The following PRKCQ variants were observed in gnomAD, a reference collection of about 807,000 sequenced individuals.
PRKCQ encodes protein kinase C theta type.
In PRKCQ, 41 loss-of-function variants were observed where a neutral mutation model predicts 91.2. The ratio of observed to expected loss-of-function variants is 0.45; its 90% confidence interval spans 0.35 to 0.58. The LOEUF (loss-of-function observed/expected upper bound fraction) is 0.58, where lower values mean the gene tolerates loss of function less well. Ranked by LOEUF, PRKCQ falls within the 20% of genes least tolerant of loss-of-function variation. The probability of loss-of-function intolerance (pLI) is 0.00; values close to 1 mark genes in which losing one functional copy is unlikely to be tolerated. For missense variants in PRKCQ, 673 were observed against 896.5 expected, an observed-to-expected ratio of 0.75 and a Z score of 3.18; for synonymous variants, 307 against 316.9, an observed-to-expected ratio of 0.97 and a Z score of 0.33.
chr10:6,397,709 G>A, the PRKCQ span, among the ~76,000 whole-genome samples: 1 of 152,164 alleles, frequency 6.6e-6, no homozygotes, highest in South Asian at 2.1e-4. Context: ...TGGATCACCT[G>A]AGGTCAGAGT....
Position 6,503,792 on chromosome 10 carries a change from T to C in PRKCQ, c.379+3644A>G, listed in dbSNP as rs562208874. 2.9e-4 allele frequency among the ~76,000 whole-genome samples: 44 copies of C among 152,322 alleles called. No homozygotes were observed. In the South Asian group the frequency reaches 5.8e-3, roughly 20 times the overall value. On this transcript the variant is annotated intron_variant, in intron 4 of 17. Coordinates refer to ENST00000263125, the MANE Select transcript of PRKCQ (RefSeq NM_006257.5). ...AAGGATTAATTATTATTATTATTATTTGGAGACAGGGTCTTGTTCTGTTGC... is the reference window on the plus strand; with the variant it reads ...AAGGATTAATTATTATTATTATTATCTGGAGACAGGGTCTTGTTCTGTTGC...
chr10:6,442,013 C>T lies in PRKCQ; in HGVS notation c.1716G>A (p.Met572Ile). ...WWSFGVLLYEMLIGQSPFHGQ... is the reference protein window; with the variant it reads ...WWSFGVLLYEILIGQSPFHGQ... ...CGTGGAAAGGCGACTGACCAATCAGCATTTCATAAAGGAGAACCCCGAAGG... is the reference window on the plus strand; with the variant it reads ...CGTGGAAAGGCGACTGACCAATCAGTATTTCATAAAGGAGAACCCCGAAGG... The change falls in exon 16 of 18, where the codon ATG (methionine) becomes ATA (isoleucine). Residue 572 changes from methionine (M) to isoleucine (I), a missense_variant. Coordinates refer to ENST00000263125, the MANE Select transcript of PRKCQ (RefSeq NM_006257.5). 1 of 1,614,150 alleles carries T rather than the reference C, an allele frequency of 6.2e-7. No homozygotes were observed. Among genetic ancestry groups the T allele is most frequent in the Non-Finnish European group, 8.5e-7 (1 of 1,180,028 alleles).
At chr10:6,538,863 A>G (rs2130912906) in intron 1 of PRKCQ, among the ~76,000 whole-genome samples, 1 of 152,258 alleles carries the variant, frequency 6.6e-6, no homozygotes, top group African/African-American at 2.4e-5. Flanking sequence ...TCCCAGGTTC[A>G]AGCAATTCTC....
intron 12 of PRKCQ, among the ~76,000 whole-genome samples, chr10:6,476,962 G>C (rs1190161498): frequency 1.3e-5 from 2 of 152,068 alleles, no homozygotes; most frequent in African/African-American, 2.4e-5. Flanking sequence ...CAGGCCAATG[G>C]GTATTTATCA....
chr10:6,432,966 T>C (rs1833495966), intron 16 of PRKCQ, among the ~76,000 whole-genome samples: 1 of 152,200 alleles, frequency 6.6e-6, no homozygotes, highest in East Asian at 1.9e-4. Context: ...CCCCTTTTCC[T>C]TGTGAAACTT....
chr10:6,523,508 A>G (rs1331576622), intron 1 of PRKCQ, among the ~76,000 whole-genome samples: 1 of 152,144 alleles, frequency 6.6e-6, no homozygotes, highest in Non-Finnish European at 1.5e-5. Context: ...AATAACCCCT[A>G]CAATACAGTG....
At chr10:6,559,823 TTGTG>T (rs34001966) in intron 1 of PRKCQ, among the ~76,000 whole-genome samples, 136,279 of 151,940 alleles carry the variant, frequency 0.9, 62,034 homozygotes, top group East Asian at 1. Context: ...TCTTTGAGTT[TTGTG>T]TGTGTGTGTT....
At chr10:6,486,284 T>C (rs915278271) in intron 8 of PRKCQ, 140 bp from the exon 9 acceptor site, 3 of 705,768 alleles carry the variant, frequency 4.3e-6, no homozygotes, top group East Asian at 2.7e-5. Context: ...TGACCCTGGC[T>C]CTCCCTGGTA....
In PRKCQ at chr10:6,437,386, AAG is replaced by A. The variant is rs555312341; in HGVS notation, c.1836+4505_1836+4506del. Among the ~76,000 whole-genome samples, 609 of 152,274 alleles carry A rather than the reference AAG, an allele frequency of 4.0e-3. 4 individuals carry two copies. Among genetic ancestry groups the A allele is most frequent in the African/African-American group, 0.014 (585 of 41,564 alleles). ...AGAAGGCAGCTGTCTACCAGCCAGG[AAG>A]AGAGTCCTCATCAGGAACTGACACT... On this transcript the variant is annotated intron_variant, in intron 16 of 17. Coordinates refer to ENST00000263125, the MANE Select transcript of PRKCQ (RefSeq NM_006257.5).
At chr10:6,479,587 T>TA (rs1836463738) in intron 11 of PRKCQ, among the ~76,000 whole-genome samples, 1 of 152,006 alleles carries the variant, frequency 6.6e-6, no homozygotes, top group South Asian at 2.1e-4. Flanking sequence ...ACCCAGTTTT[T>TA]CCAGGCCAAA....
Position 6,441,128 on chromosome 10 carries a change from A to G in PRKCQ, c.1836+765T>C, listed in dbSNP as rs551446637. Among the ~76,000 whole-genome samples the G allele has an allele frequency of 2.0e-5, 3 of 152,360 alleles. No individual in the cohort carries two copies. In the East Asian group the frequency reaches 5.8e-4, roughly 29 times the overall value. ...GGCCAAAAAGTCATACATCCTGTCCAAGATTTCAACCAGAGGCAGGGGAAG... is the reference window on the plus strand; with the variant it reads ...GGCCAAAAAGTCATACATCCTGTCCGAGATTTCAACCAGAGGCAGGGGAAG... On this transcript the variant is annotated intron_variant, in intron 16 of 17. Coordinates refer to ENST00000263125, the MANE Select transcript of PRKCQ (RefSeq NM_006257.5).
intron 16 of PRKCQ, among the ~76,000 whole-genome samples, chr10:6,437,252 G>A (rs1011334367): frequency 1.3e-5 from 2 of 152,138 alleles, no homozygotes; most frequent in East Asian, 3.9e-4. Context: ...GAGATAATTC[G>A]GGTTAAATGA....
intron 4 of PRKCQ, among the ~76,000 whole-genome samples, chr10:6,506,634 T>C (rs1838216632): frequency 6.6e-6 from 1 of 152,212 alleles, no homozygotes; most frequent in African/African-American, 2.4e-5. Flanking sequence ...ATAATATTGT[T>C]TTCTCTGATG....
chr10:6,489,234 G>C (rs7910038), intron 8 of PRKCQ, among the ~76,000 whole-genome samples: 77,926 of 151,924 alleles, frequency 0.51, 20,208 homozygotes, highest in South Asian at 0.61. Context: ...ATGCATCACC[G>C]TGACACCAAG....
intron 12 of PRKCQ, among the ~76,000 whole-genome samples, chr10:6,473,328 T>C (rs1008786327): frequency 3.3e-5 from 5 of 152,250 alleles, no homozygotes; most frequent in Non-Finnish European, 7.3e-5. Flanking sequence ...AACTTTGAGT[T>C]TGAATAAATG....
At position 6,486,015 on chromosome 10, in the gene PRKCQ, T is replaced by C; in HGVS notation, c.900+20A>G. The C allele has an allele frequency of 6.2e-7, 1 of 1,603,004 alleles. No homozygotes were observed. Among genetic ancestry groups the C allele is most frequent in the Non-Finnish European group, 8.5e-7 (1 of 1,171,512 alleles). On this transcript the variant is annotated intron_variant, in intron 9 of 17. Transcript: ENST00000263125. ...GCTGAGCGGCCATGGCGGGAACGTG[T>C]CCACGGCACATGCTCCTACCTGTTG...
the PRKCQ span, among the ~76,000 whole-genome samples, chr10:6,414,629 GT>G: frequency 6.6e-6 from 1 of 152,090 alleles, no homozygotes; most frequent in Non-Finnish European, 1.5e-5. Context: ...AACAATTGAA[GT>G]TCTAGAGGTG....
chr10:6,491,970 T>C (rs1248338306), intron 7 of PRKCQ, among the ~76,000 whole-genome samples, 158 bp from the exon 8 acceptor site: 1 of 152,260 alleles, frequency 6.6e-6, no homozygotes, highest in East Asian at 1.9e-4. Flanking sequence ...CCTACAGTCA[T>C]GCCTGAAGAA....
chr10:6,471,704 C>G (rs1214431818), intron 12 of PRKCQ, among the ~76,000 whole-genome samples: 1 of 152,050 alleles, frequency 6.6e-6, no homozygotes, highest in Non-Finnish European at 1.5e-5. Context: ...GAGCCGAGAT[C>G]GTTCCACTGT....
Sources: allele counts gnomAD v4.1 joint callset (sites outside exome capture counted in the v4.1 genomes callset), GRCh38; gene constraint gnomAD v4.1.1; transcripts MANE v1.5; gene names NCBI Gene and HGNC (gene_info 2026-07-23, HGNC 2026-07-21).